The following PRKAR1B variants were observed in gnomAD, a reference collection of about 807,000 sequenced individuals.
PRKAR1B encodes protein kinase cAMP-dependent type I regulatory subunit beta, also known as cAMP-dependent protein kinase type I-beta regulatory subunit.
A neutral mutation model predicts 46.5 loss-of-function variants in PRKAR1B; 22 were observed. The observed-to-expected ratio is 0.47, with a 90% CI of 0.34 to 0.68. PRKAR1B has a LOEUF of 0.68. Among genes scored for constraint, PRKAR1B ranks in the 30% least tolerant of loss-of-function variants. PRKAR1B has a pLI of 0.01. For missense variants in PRKAR1B, 445 were observed against 535.6 expected (o/e 0.83, Z 1.67); for synonymous variants, 259 against 217.7 (o/e 1.19, Z -1.67).
chr7:712,329 G>GC (rs1329486087), intron 1 of PRKAR1B: 2 of 147,358 alleles, frequency 1.4e-5, no homozygotes, highest in Non-Finnish European at 3.0e-5. Flanking sequence ...TCCCGGCGGG[G>GC]CCGAACCCTT....
chr7:647,497 A>G (rs1369415793), intron 4 of PRKAR1B, among the ~76,000 whole-genome samples: 1 of 151,898 alleles, frequency 6.6e-6, no homozygotes, highest in African/African-American at 2.4e-5. Context: ...TTGCTATCCA[A>G]AGAGTTTTCT....
intron 8 of PRKAR1B, among the ~76,000 whole-genome samples, chr7:581,560 A>G (rs2128444278): frequency 6.6e-6 from 1 of 152,356 alleles, no homozygotes; most frequent in African/African-American, 2.4e-5. Context: ...AGCTGCAGTT[A>G]GGAAGTTCAT....
At chr7:601,183 C>A (rs947021208) in intron 6 of PRKAR1B, among the ~76,000 whole-genome samples, 6 of 152,224 alleles carry the variant, frequency 3.9e-5, no homozygotes, top group African/African-American at 1.4e-4. Flanking sequence ...GGCAAACGGC[C>A]GTCCCTTCCC....
chr7:624,207 C>A (rs1340660811), intron 4 of PRKAR1B, among the ~76,000 whole-genome samples: 1 of 152,110 alleles, frequency 6.6e-6, no homozygotes, highest in Non-Finnish European at 1.5e-5. Flanking sequence ...CTGAGGCAGG[C>A]GGATCACCTG....
chr7:600,405 T>C (rs762836058), intron 6 of PRKAR1B, among the ~76,000 whole-genome samples: 43 of 152,200 alleles, frequency 2.8e-4, no homozygotes, highest in Non-Finnish European at 4.6e-4. Context: ...CTCGGGAGGA[T>C]CGCTTGAGCC....
rs1015556234 is a variant in PRKAR1B, at chr7:599,399, G to C, written c.550-3095C>G. 3.3e-5 allele frequency among the ~76,000 whole-genome samples: 5 copies of C among 152,108 alleles called. No homozygotes were observed. The East Asian group carries it at 9.7e-4, about 29-fold the overall frequency. On this transcript the variant is annotated intron_variant, in intron 6 of 10. Coordinates refer to ENST00000537384, the MANE Select transcript of PRKAR1B (RefSeq NM_001164760.2). ...CGCAACCTCTGCCTCCCAGGTTCAA[G>C]CGATTCTCCCGCCTCAGCCTCCCGG...
intron 4 of PRKAR1B, among the ~76,000 whole-genome samples, chr7:673,871 C>T (rs536384610): frequency 7.9e-5 from 12 of 152,342 alleles, no homozygotes; most frequent in African/African-American, 2.6e-4. Flanking sequence ...GGACCACGCC[C>T]TCCAGAGGCC....
At chr7:595,392 C>G (rs940962639) in intron 7 of PRKAR1B, among the ~76,000 whole-genome samples, 2 of 152,216 alleles carry the variant, frequency 1.3e-5, no homozygotes, top group African/African-American at 2.4e-5. Flanking sequence ...ACAGGAATCA[C>G]CCTCTGGGGC....
At position 550,310 on chromosome 7, in the gene PRKAR1B, C is replaced by T. The variant is rs1278196726; in HGVS notation, c.*120G>A. 7.3e-6 allele frequency: 6 copies of T among 817,322 alleles called. No individual in the cohort carries two copies. The highest frequency in any genetic ancestry group is 5.2e-5 in the African/African-American group (3 of 58,184). The allele number at this position is 817,322 out of a possible 1,614,324, so 50.6% of individuals were successfully genotyped here. On this transcript the variant is annotated 3_prime_UTR_variant, in exon 11 of 11. Coordinates refer to ENST00000537384, the MANE Select transcript of PRKAR1B (RefSeq NM_001164760.2). The stretch of plus-strand genomic sequence containing the variant: ...GTCCGGGGAAGGGGCAGTCCTCACG[C>T]TGCCGGGACCCAGCCCCACCCGGCC...
At chr7:664,143 A>T (rs549909072) in intron 4 of PRKAR1B, among the ~76,000 whole-genome samples, 1 of 152,094 alleles carries the variant, frequency 6.6e-6, no homozygotes. Flanking sequence ...GCCTCTCTCC[A>T]CAGACCCCCA....
chr7:636,499 A>G (rs1019363360), intron 4 of PRKAR1B, among the ~76,000 whole-genome samples: 4 of 151,936 alleles, frequency 2.6e-5, no homozygotes, highest in Non-Finnish European at 5.9e-5. Flanking sequence ...GGGCTCCTTC[A>G]CCAGGGGTGG....
At chr7:553,851 G>A (rs756726998) in intron 9 of PRKAR1B, among the ~76,000 whole-genome samples, 2 of 152,268 alleles carry the variant, frequency 1.3e-5, no homozygotes, top group Non-Finnish European at 2.9e-5. Context: ...TGATCCGGCC[G>A]TGGGGCCACT....
chr7:637,308 T>G (rs1214726695), intron 4 of PRKAR1B, among the ~76,000 whole-genome samples: 2 of 151,930 alleles, frequency 1.3e-5, no homozygotes, highest in South Asian at 4.2e-4. Flanking sequence ...TCCCAGCTAC[T>G]TGGGAGGCTG....
At chr7:648,112 C>T (rs1485559963) in intron 4 of PRKAR1B, among the ~76,000 whole-genome samples, 1 of 151,736 alleles carries the variant, frequency 6.6e-6, no homozygotes, top group African/African-American at 2.4e-5. Context: ...CACCACTGAA[C>T]TCCAGCCTGG....
chr7:576,460 G>A (rs1356080015), intron 9 of PRKAR1B, among the ~76,000 whole-genome samples: 1 of 152,188 alleles, frequency 6.6e-6, no homozygotes, highest in African/African-American at 2.4e-5. Flanking sequence ...CCCCCTTCGT[G>A]AATGTCCGTG....
At chr7:713,850 G>C (rs146191373) in intron 1 of PRKAR1B, among the ~76,000 whole-genome samples, 381 of 152,336 alleles carry the variant, frequency 2.5e-3, no homozygotes, top group Non-Finnish European at 4.6e-3. Context: ...ACCCTCGGGG[G>C]TCAAACACGA....
intron 9 of PRKAR1B, among the ~76,000 whole-genome samples, chr7:552,726 G>A (rs980089166): frequency 2.0e-5 from 3 of 152,182 alleles, no homozygotes; most frequent in Non-Finnish European, 4.4e-5. Flanking sequence ...GAGGGGACGC[G>A]CTGGGACCTT....
chr7:702,256 C>A (rs145436202), intron 2 of PRKAR1B, among the ~76,000 whole-genome samples: 1 of 148,460 alleles, frequency 6.7e-6, no homozygotes, highest in African/African-American at 2.5e-5. Flanking sequence ...ACAGTAAGTA[C>A]TAAAAAATAA....
intron 4 of PRKAR1B, among the ~76,000 whole-genome samples, chr7:656,936 A>AAT (rs1785234637): frequency 6.6e-6 from 1 of 150,444 alleles, no homozygotes; most frequent in African/African-American, 2.4e-5. Flanking sequence ...TGAATGAATG[A>AAT]GTGAACGAAT....
Sources: allele counts gnomAD v4.1 joint callset (sites outside exome capture counted in the v4.1 genomes callset), GRCh38; gene constraint gnomAD v4.1.1; transcripts MANE v1.5; gene names NCBI Gene and HGNC (gene_info 2026-07-23, HGNC 2026-07-21).